The following GRID2 variants were observed in gnomAD, a reference collection of about 807,000 sequenced individuals.
GRID2 encodes glutamate receptor ionotropic, delta-2.
Under a neutral mutation model 114.8 loss-of-function variants are expected in GRID2, and 33 were observed. That is an observed-to-expected ratio of 0.29 (90% CI 0.22 to 0.38). GRID2 has a LOEUF of 0.38. Ranked by LOEUF, GRID2 falls within the 10% of genes least tolerant of loss-of-function variation. The pLI is 1.00. For synonymous variants in GRID2, 505 were observed against 449.9 expected, an observed-to-expected ratio of 1.12 and a Z score of -1.55; for missense variants, 1,184 against 1,257.7, an observed-to-expected ratio of 0.94 and a Z score of 0.89.
chr4:92,807,691 T>G (rs1740483442), intron 2 of GRID2, among the ~76,000 whole-genome samples: 1 of 152,040 alleles, frequency 6.6e-6, no homozygotes, highest in African/African-American at 2.4e-5. Context: ...TGATAAGATA[T>G]GCTGAAGAAA....
chr4:93,348,870 G>A (rs1760503273), intron 8 of GRID2, among the ~76,000 whole-genome samples: 1 of 152,084 alleles, frequency 6.6e-6, no homozygotes, highest in Non-Finnish European at 1.5e-5. Flanking sequence ...CAAAAATATT[G>A]TTTTAAAAAT....
chr4:92,903,053 A>G (rs1747693811), intron 2 of GRID2, among the ~76,000 whole-genome samples: 1 of 151,826 alleles, frequency 6.6e-6, no homozygotes, highest in Non-Finnish European at 1.5e-5. Context: ...TTCTGGTTCC[A>G]TATTAATTTT....
At chr4:93,725,396 G>A (rs1729774512) in intron 14 of GRID2, among the ~76,000 whole-genome samples, 1 of 152,152 alleles carries the variant, frequency 6.6e-6, no homozygotes, top group Non-Finnish European at 1.5e-5. Context: ...TTGGACATTT[G>A]GGTTGGTTCC....
chr4:92,807,829 GTGTC>G (rs1560604045), intron 2 of GRID2, among the ~76,000 whole-genome samples: 3 of 151,976 alleles, frequency 2.0e-5, no homozygotes, highest in Non-Finnish European at 4.4e-5. Context: ...GTGTGCGTAT[GTGTC>G]TGTCTATGTA....
chr4:92,589,955 T>C (rs998199182), intron 1 of GRID2, among the ~76,000 whole-genome samples, 176 bp from the exon 2 acceptor site: 3 of 152,224 alleles, frequency 2.0e-5, no homozygotes, highest in Non-Finnish European at 2.9e-5. Context: ...GAAGTAACTA[T>C]ATTCCTTCTC....
At chr4:93,111,011 A>C in intron 4 of GRID2, 58 bp downstream of exon 4, 2 of 1,062,922 alleles carry the variant, frequency 1.9e-6, no homozygotes, top group Non-Finnish European at 2.9e-6. Context: ...GCTTTGGAAT[A>C]GACCCTACAG....
chr4:93,033,445 T>C (rs1716170414), intron 2 of GRID2, among the ~76,000 whole-genome samples: 1 of 152,164 alleles, frequency 6.6e-6, no homozygotes, highest in African/African-American at 2.4e-5. Flanking sequence ...TTAGCATCAG[T>C]GTGAGACTGT....
chr4:92,762,167 C>G (rs1249200993), intron 2 of GRID2, among the ~76,000 whole-genome samples: 1 of 152,124 alleles, frequency 6.6e-6, no homozygotes, highest in African/African-American at 2.4e-5. Flanking sequence ...CCCCCCTCAG[C>G]CTCCCAAAGT....
chr4:93,028,600 A>G (rs1560808953), intron 2 of GRID2, among the ~76,000 whole-genome samples: 1 of 152,062 alleles, frequency 6.6e-6, no homozygotes, highest in South Asian at 2.1e-4. Flanking sequence ...TTTTATATAT[A>G]CGTACGACAT....
intron 8 of GRID2, among the ~76,000 whole-genome samples, chr4:93,340,651 G>T (rs1270265073): frequency 6.6e-6 from 1 of 152,114 alleles, no homozygotes; most frequent in Non-Finnish European, 1.5e-5. Flanking sequence ...ACTACACACT[G>T]TTCTCTGATA....
intron 2 of GRID2, among the ~76,000 whole-genome samples, chr4:93,041,035 A>T (rs917659206): frequency 6.6e-6 from 1 of 152,178 alleles, no homozygotes; most frequent in Non-Finnish European, 1.5e-5. Context: ...AATTAAGAAC[A>T]AAAATCAGAT....
chr4:93,776,467 T>C (rs768567323), downstream of GRID2, among the ~76,000 whole-genome samples: 1 of 152,182 alleles, frequency 6.6e-6, no homozygotes, highest in African/African-American at 2.4e-5. Context: ...AACCTATTAT[T>C]TTGAAAGCCA....
intron 2 of GRID2, among the ~76,000 whole-genome samples, chr4:92,878,588 C>T (rs990007461): frequency 6.6e-5 from 10 of 152,068 alleles, no homozygotes; most frequent in South Asian, 2.1e-4. Context: ...TTTAAGATTT[C>T]GTGGCTCTTT....
intron 2 of GRID2, among the ~76,000 whole-genome samples, chr4:93,076,641 A>G (rs1000952252): frequency 3.7e-5 from 5 of 135,336 alleles, no homozygotes; most frequent in Non-Finnish European, 6.2e-5. Flanking sequence ...TTTTAATGAC[A>G]GAGTCTCTCT....
intron 2 of GRID2, among the ~76,000 whole-genome samples, chr4:92,987,750 C>T (rs1458513692): frequency 8.8e-6 from 1 of 113,836 alleles, no homozygotes; most frequent in Non-Finnish European, 1.7e-5. Context: ...TCATTTTTTT[C>T]AGAATATTAA....
intron 2 of GRID2, among the ~76,000 whole-genome samples, chr4:92,828,634 A>C (rs1480192261): frequency 6.6e-6 from 1 of 152,082 alleles, no homozygotes; most frequent in Non-Finnish European, 1.5e-5. Flanking sequence ...CTAATTACAG[A>C]TGATAACTTC....
chr4:93,029,044 T>A (rs942116290), intron 2 of GRID2, among the ~76,000 whole-genome samples: 1 of 152,078 alleles, frequency 6.6e-6, no homozygotes, highest in African/African-American at 2.4e-5. Flanking sequence ...ATTAACATTA[T>A]GTTATTAATC....
intron 10 of GRID2, among the ~76,000 whole-genome samples, chr4:93,448,038 G>T (rs910384457): frequency 6.6e-6 from 1 of 151,774 alleles, no homozygotes; most frequent in Non-Finnish European, 1.5e-5. Context: ...GATAACAGGA[G>T]AATCTTTGGC....
chr4:93,305,195 C>T (rs982291090), intron 8 of GRID2, among the ~76,000 whole-genome samples: 1 of 152,132 alleles, frequency 6.6e-6, no homozygotes, highest in African/African-American at 2.4e-5. Context: ...GAAATGACAG[C>T]TGTAGCTAAG....
Sources: allele counts gnomAD v4.1 joint callset (sites outside exome capture counted in the v4.1 genomes callset), GRCh38; gene constraint gnomAD v4.1.1; transcripts MANE v1.5; gene names NCBI Gene and HGNC (gene_info 2026-07-23, HGNC 2026-07-21).